CCNC: variants seen among roughly 807,000 people sequenced by gnomAD.
CCNC encodes cyclin-C.
Under a neutral mutation model 50.0 loss-of-function variants are expected in CCNC, and 19 were observed. The ratio of observed to expected loss-of-function variants is 0.38; its 90% CI spans 0.27 to 0.56. The LOEUF is 0.56. Ranked by LOEUF, CCNC falls within the 20% of genes least tolerant of loss-of-function variation. The pLI, the probability that CCNC is intolerant of heterozygous loss-of-function variation, is 0.72. For missense variants in CCNC, 200 were observed against 327.1 expected, an observed-to-expected ratio of 0.61 and a Z score of 3.00; for synonymous variants, 93 against 103.7, an observed-to-expected ratio of 0.90 and a Z score of 0.63.
chr6:99,558,337 G>A (rs1328877888), intron 5 of CCNC, 160 bp downstream of exon 5: 2 of 1,065,298 alleles, frequency 1.9e-6, no homozygotes, highest in South Asian at 2.7e-5. Context: ...CTTTTAGCTT[G>A]ATTTTTTTGC....
intron 1 of CCNC, among the ~76,000 whole-genome samples, chr6:99,566,253 C>T (rs1213302336): frequency 8.6e-6 from 1 of 116,682 alleles, no homozygotes; most frequent in African/African-American, 3.3e-5. Flanking sequence ...ATATTAGCAT[C>T]GTTATCTATT....
At chr6:99,554,862 T>C (rs1194536893) in intron 5 of CCNC, among the ~76,000 whole-genome samples, 1 of 152,214 alleles carries the variant, frequency 6.6e-6, no homozygotes, top group Non-Finnish European at 1.5e-5. Context: ...TCATTGCTTA[T>C]AGACCCTTTC....
At chr6:99,548,711 G>A (rs1406180976) in intron 9 of CCNC, among the ~76,000 whole-genome samples, 3 of 150,360 alleles carry the variant, frequency 2.0e-5, no homozygotes, top group East Asian at 3.9e-4. Context: ...CTGTAGGCAG[G>A]AGAATCGCTT....
rs763492462 is a variant in CCNC, at chr6:99,551,918, T to C, written c.347-23A>G. 25 of 1,364,432 alleles carry C rather than the reference T, an allele frequency of 1.8e-5. No individual in the cohort carries two copies. In the Admixed American group the frequency reaches 4.6e-4, roughly 25 times the overall value. 84.5% of individuals were successfully genotyped at this position (1,364,432 alleles called of 1,614,324 possible). A position where few individuals can be genotyped will look rare whatever the true frequency, so the allele number is the denominator to read the frequency against. ...TTACTGCAGAAAATAAAAAAAAAAT[T>C]TAAACTGAGAAAATGGGAAATAAAT... On this transcript the variant is annotated intron_variant, in intron 5 of 11. Coordinates refer to ENST00000520429, the MANE Select transcript of CCNC (RefSeq NM_005190.4).
intron 5 of CCNC, chr6:99,557,773 A>G (rs1262734466): frequency 7.1e-6 from 1 of 141,438 alleles, no homozygotes; most frequent in Non-Finnish European, 1.5e-5. Context: ...TGGGCGACAG[A>G]GCGAGACTCT....
At chr6:99,553,745 G>A (rs926830502) in intron 5 of CCNC, among the ~76,000 whole-genome samples, 15 of 152,036 alleles carry the variant, frequency 9.9e-5, no homozygotes, top group South Asian at 6.2e-4. Context: ...TATACCCACC[G>A]TTATTGACTT....
In CCNC at chr6:99,545,153, G is replaced by A; in HGVS notation, c.756C>T (p.Thr252=). 1 of 1,610,468 alleles carries A rather than the reference G, an allele frequency of 6.2e-7. No homozygotes were observed. The highest frequency in any genetic ancestry group is 8.5e-7 in the Non-Finnish European group (1 of 1,176,936). ...KNFDERKEMA[T]ILSKMPKPKP... ...TTGGTTTTGGCATCTTACTAAGAAT[G>A]GTTGCCATCTCTTTTCTCTCATCGA... Residue 252 remains threonine (T), a synonymous_variant, in exon 11 of 12, where the codon ACC becomes ACT. Coordinates refer to ENST00000520429, the MANE Select transcript of CCNC (RefSeq NM_005190.4).
chr6:99,564,501 G>A (rs1769033358), intron 1 of CCNC, among the ~76,000 whole-genome samples: 2 of 150,928 alleles, frequency 1.3e-5, no homozygotes, highest in Admixed American at 6.6e-5. Flanking sequence ...AAAGTAGTAT[G>A]TCACTGTTTC....
intron 11 of CCNC, chr6:99,544,323 G>C: frequency 6.6e-7 from 1 of 1,515,432 alleles, no homozygotes. Context: ...GCCTTAAACA[G>C]CTCCTTGAAT....
chr6:99,559,962 C>T (rs1052710773), intron 4 of CCNC, among the ~76,000 whole-genome samples: 12 of 151,972 alleles, frequency 7.9e-5, no homozygotes, highest in African/African-American at 2.9e-4. Flanking sequence ...TCAGGTGATC[C>T]ACCCGCCTGA....
intron 5 of CCNC, 101 bp downstream of exon 5, chr6:99,558,396 C>T: frequency 6.6e-7 from 1 of 1,506,480 alleles, no homozygotes; most frequent in Admixed American, 2.4e-5. Flanking sequence ...ATAAAGCCAA[C>T]CAATCTCATA....
chr6:99,549,360 T>A (rs560232997), intron 9 of CCNC, 148 bp downstream of exon 9: 4 of 700,180 alleles, frequency 5.7e-6, no homozygotes, highest in Non-Finnish European at 1.0e-5. Flanking sequence ...CAGTTGCAGT[T>A]CATATTATTG....
At chr6:99,554,285 A>AC (rs1229838260) in intron 5 of CCNC, among the ~76,000 whole-genome samples, 2 of 151,850 alleles carry the variant, frequency 1.3e-5, no homozygotes, top group African/African-American at 4.8e-5. Context: ...GTTGCTACTG[A>AC]CCTTGATCGC....
chr6:99,550,168 C>T (rs755088126), intron 8 of CCNC, 50 bp downstream of exon 8: 7 of 1,253,896 alleles, frequency 5.6e-6, no homozygotes, highest in Admixed American at 2.0e-5. Context: ...AATTGTCAAC[C>T]TTCCTATCTA....
At position 99,561,405 on chromosome 6, in the gene CCNC, T is replaced by G; in HGVS notation, c.256A>C (p.Met86Leu). 6.3e-7 allele frequency: 1 copy of G among 1,592,268 alleles called. No individual in the cohort carries two copies. The highest frequency in any genetic ancestry group is 8.5e-7 in the Non-Finnish European group (1 of 1,171,542). Residue 86 changes from methionine (M) to leucine (L), a missense_variant, in exon 4 of 12, where the codon ATG becomes CTG. Transcript: ENST00000520429. ...YSLKSIDPVLMAPTCVFLASK... is the reference protein window; with the variant it reads ...YSLKSIDPVLLAPTCVFLASK... ...GCCAAAAACACACATGTAGGAGCCATTAATACAGGATCTATACTTTTCAGA... is the reference window on the plus strand; with the variant it reads ...GCCAAAAACACACATGTAGGAGCCAGTAATACAGGATCTATACTTTTCAGA...
intron 10 of CCNC, 128 bp downstream of exon 10, chr6:99,546,267 A>T: frequency 1.5e-6 from 1 of 654,452 alleles, no homozygotes; most frequent in Non-Finnish European, 2.7e-6. Flanking sequence ...TGCCCAGCCC[A>T]TGTTTCTTAA....
chr6:99,544,089 G>T lies in CCNC; in HGVS notation c.798-480C>A, dbSNP rs142490979. 3.7e-4 allele frequency: 511 copies of T among 1,374,288 alleles called. 4 individuals carry two copies. The African/African-American group carries it at 6.8e-3, about 18-fold the overall frequency. The allele number at this position is 1,374,288 out of a possible 1,614,324, so 85.1% of individuals were successfully genotyped here. On this transcript the variant is annotated intron_variant, in intron 11 of 11. Coordinates refer to ENST00000520429, the MANE Select transcript of CCNC (RefSeq NM_005190.4). ...ATATAAATACAGCAAACCTTTATAAGTCAGCAAGAAATATGGTAATTTCCT... is the reference window on the plus strand; with the variant it reads ...ATATAAATACAGCAAACCTTTATAATTCAGCAAGAAATATGGTAATTTCCT...
chr6:99,562,371 C>T (rs330865), intron 2 of CCNC: 130,665 of 152,756 alleles, frequency 0.86, 56,589 homozygotes, highest in East Asian at 0.99. Flanking sequence ...AAATCCATAA[C>T]GAATCCTCAA....
intron 5 of CCNC, chr6:99,557,815 A>AAG (rs1554262734): frequency 2.0e-5 from 3 of 150,470 alleles, no homozygotes; most frequent in African/African-American, 4.9e-5. Flanking sequence ...AAAAGAAAGA[A>AAG]AAAAAAAAGA....
Sources: gnomAD v4.1 joint callset for allele counts (sites outside exome capture counted in the v4.1 genomes callset) on GRCh38, gnomAD v4.1.1 for gene constraint, MANE v1.5 for transcripts, NCBI Gene and HGNC (gene_info 2026-07-23, HGNC 2026-07-21) for gene names.